Variants in URI1 observed in about 807,000 individuals in gnomAD.
URI1 encodes unconventional prefoldin RPB5 interactor 1.
In URI1, 39 loss-of-function variants were observed where a neutral mutation model predicts 60.2. The ratio of observed to expected loss-of-function variants is 0.65; its 90% CI spans 0.50 to 0.85. The LOEUF is 0.85. Among genes scored for constraint, URI1 ranks in the 40% least tolerant of loss-of-function variants. The pLI, the probability that URI1 is intolerant of heterozygous loss-of-function variation, is 0.00. For missense variants in URI1, 691 were observed against 665.9 expected (o/e 1.04, Z -0.42); for synonymous variants, 251 against 236.8 (o/e 1.06, Z -0.55).
chr19:29,950,200 C>G (rs534294571), intron 1 of URI1, among the ~76,000 whole-genome samples: 3 of 12,926 alleles, frequency 2.3e-4, no homozygotes, highest in African/African-American at 1.0e-3. Context: ...AGGAAAAAAC[C>G]CATTTCATTG....
chr19:29,957,680 G>GT (rs1169976724), intron 1 of URI1, among the ~76,000 whole-genome samples: 1 of 152,050 alleles, frequency 6.6e-6, no homozygotes, highest in Non-Finnish European at 1.5e-5. Flanking sequence ...CATTACTGGG[G>GT]TTTTGCTTGG....
chr19:29,957,431 C>T (rs2055263340), intron 1 of URI1, among the ~76,000 whole-genome samples: 1 of 151,994 alleles, frequency 6.6e-6, no homozygotes, highest in South Asian at 2.1e-4. Flanking sequence ...AGTATGTTGT[C>T]TGTTTCATAA....
At chr19:29,937,075 C>G (rs1376550586) in intron 1 of URI1, among the ~76,000 whole-genome samples, 1 of 152,162 alleles carries the variant, frequency 6.6e-6, no homozygotes, top group Non-Finnish European at 1.5e-5. Flanking sequence ...TTATTTTTCT[C>G]TCTTTACAAC....
At chr19:30,006,187 T>G (rs1386446923) in intron 6 of URI1, among the ~76,000 whole-genome samples, 2 of 152,140 alleles carry the variant, frequency 1.3e-5, no homozygotes, top group Non-Finnish European at 2.9e-5. Flanking sequence ...TGTTCCCATC[T>G]CCACCCAGTA....
intron 2 of URI1, chr19:29,980,432 G>A (rs1041548075): frequency 5.9e-5 from 9 of 151,586 alleles, no homozygotes; most frequent in African/African-American, 2.2e-4. Context: ...AGAATCTTCC[G>A]TTTTTATCGT....
chr19:29,937,817 G>A (rs2054986521), upstream of URI1: 2 of 152,194 alleles, frequency 1.3e-5, no homozygotes, highest in South Asian at 4.1e-4. Context: ...GAGGACAAGG[G>A]TCATCTTGCC....
intron 1 of URI1, among the ~76,000 whole-genome samples, chr19:29,947,036 A>C (rs560296702): frequency 6.6e-6 from 1 of 152,166 alleles, no homozygotes; most frequent in East Asian, 1.9e-4. Context: ...GCCATCAGAG[A>C]GGGCTTCTCT....
In URI1 at chr19:29,984,974, G is replaced by T. The variant is rs564505895; in HGVS notation, c.153-249G>T. On this transcript the variant is annotated intron_variant, in intron 2 of 10. Coordinates refer to ENST00000392271, the MANE Select transcript of URI1 (RefSeq NM_003796.3). ...CTCTCTACTGAAAATACAAAAACTAGCCTTGCATGGTGGCGCACACTTGTA... is the reference window on the plus strand; with the variant it reads ...CTCTCTACTGAAAATACAAAAACTATCCTTGCATGGTGGCGCACACTTGTA... Among the ~76,000 whole-genome samples, 241 of 151,762 alleles carry T rather than the reference G, an allele frequency of 1.6e-3. 1 individual carries two copies. The highest frequency in any genetic ancestry group is 2.9e-3 in the Non-Finnish European group (197 of 67,906).
At chr19:29,931,618 T>C (rs976864914) in intron 1 of URI1, among the ~76,000 whole-genome samples, 1 of 152,236 alleles carries the variant, frequency 6.6e-6, no homozygotes, top group Non-Finnish European at 1.5e-5. Context: ...AATTGTCATC[T>C]TAACAATATT....
rs750984451 is a variant in URI1, at chr19:29,986,395, T to G, written c.345T>G (p.Gly115=). The change falls in exon 4 of 11, where the codon GGT becomes GGG. Residue 115 remains glycine (G), a synonymous_variant. Coordinates refer to ENST00000392271, the MANE Select transcript of URI1 (RefSeq NM_003796.3). ...FAKCSAKQAV[G]LVEHRKEHVR... ...AGTGCTCAGCAAAGCAGGCTGTAGG[T>G]TTAGTTGAGCACCGGAAAGAACGTA... 3.7e-6 allele frequency: 6 copies of G among 1,608,566 alleles called. No individual in the cohort carries two copies. The South Asian group carries it at 4.4e-5, about 12-fold the overall frequency.
chr19:29,960,169 T>C (rs1371914110), intron 1 of URI1, among the ~76,000 whole-genome samples: 2 of 152,164 alleles, frequency 1.3e-5, no homozygotes, highest in African/African-American at 4.8e-5. Context: ...TTCTGCATAA[T>C]TGAAATTTAA....
At chr19:29,928,505 G>A (rs2054889871) in intron 1 of URI1, among the ~76,000 whole-genome samples, 1 of 152,034 alleles carries the variant, frequency 6.6e-6, no homozygotes, top group South Asian at 2.1e-4. Flanking sequence ...TCCATCTTCA[G>A]TTCCTGGTAG....
upstream of URI1, among the ~76,000 whole-genome samples, chr19:29,938,543 T>C (rs1052102736): frequency 2.0e-5 from 3 of 152,166 alleles, no homozygotes; most frequent in Admixed American, 6.5e-5. Context: ...TGGCCCTCTA[T>C]TGACTCCAAC....
At chr19:29,998,426 C>T (rs755011912) in intron 4 of URI1, among the ~76,000 whole-genome samples, 1 of 152,076 alleles carries the variant, frequency 6.6e-6, no homozygotes, top group Non-Finnish European at 1.5e-5. Flanking sequence ...TTCATGTCTC[C>T]TCCAGCTATT....
intron 2 of URI1, among the ~76,000 whole-genome samples, chr19:29,976,345 A>C (rs1277835493): frequency 6.6e-6 from 1 of 152,190 alleles, no homozygotes; most frequent in African/African-American, 2.4e-5. Context: ...CTTTGGTTGC[A>C]GCCAGTTGGT....
At chr19:29,964,227 G>A (rs960823133) in intron 1 of URI1, among the ~76,000 whole-genome samples, 6 of 152,068 alleles carry the variant, frequency 3.9e-5, no homozygotes, top group African/African-American at 1.5e-4. Flanking sequence ...GGTCCCTCTT[G>A]TCCTCACTGC....
intron 4 of URI1, among the ~76,000 whole-genome samples, chr19:29,988,934 C>G (rs2055707721): frequency 1.3e-5 from 2 of 152,074 alleles, no homozygotes; most frequent in African/African-American, 4.8e-5. Flanking sequence ...GCGTCTCTAC[C>G]AGCCCTCAAT....
rs1037539424 is a variant in URI1 at position 30,016,579 on chromosome 19, T to A, written c.*1510T>A. 1 of 152,150 alleles carries A rather than the reference T, an allele frequency of 6.6e-6. No homozygotes were observed. Among genetic ancestry groups the A allele is most frequent in the Non-Finnish European group, 1.5e-5 (1 of 67,966 alleles). The allele number at this position is 152,150 out of a possible 1,614,324, so 9.4% of individuals were successfully genotyped here. On this transcript the variant is annotated 3_prime_UTR_variant, in exon 11 of 11. Coordinates refer to ENST00000392271, the MANE Select transcript of URI1 (RefSeq NM_003796.3). ...TCTTAACAGATTTGTAATTTCAAGATGCGTGTCATTAAATAATTTTTCATG... is the reference window on the plus strand; with the variant it reads ...TCTTAACAGATTTGTAATTTCAAGAAGCGTGTCATTAAATAATTTTTCATG...
chr19:29,923,693 T>G, exon 1 of URI1: 1 of 1,536,626 alleles, frequency 6.5e-7, no homozygotes. Context: ...ACTGCCCTGA[T>G]GACAACATGG....
Sources: gnomAD v4.1 joint callset for allele counts (sites outside exome capture counted in the v4.1 genomes callset) on GRCh38, gnomAD v4.1.1 for gene constraint, MANE v1.5 for transcripts, NCBI Gene and HGNC (gene_info 2026-07-23, HGNC 2026-07-21) for gene names.